PAN3: variants seen among roughly 807,000 people sequenced by gnomAD.
PAN3 encodes the protein poly(A) specific ribonuclease subunit PAN3, also known as PAN2-PAN3 deadenylation complex subunit PAN3.
Under a neutral mutation model 96.2 loss-of-function variants are expected in PAN3, and 19 were observed. The observed-to-expected ratio is 0.20, with a 90% CI of 0.14 to 0.29. The LOEUF (loss-of-function observed/expected upper bound fraction) is 0.29. Among genes scored for constraint, PAN3 ranks in the 10% least tolerant of loss-of-function variants. The probability of loss-of-function intolerance (pLI) is 1.00; values close to 1 mark genes in which losing one functional copy is unlikely to be tolerated. For missense variants in PAN3, 882 were observed against 1,108.1 expected, an observed-to-expected ratio of 0.80 and a Z score of 2.90; for synonymous variants, 433 against 406.6, an observed-to-expected ratio of 1.06 and a Z score of -0.78.
chr13:28,225,073 A>G (rs1593510533), intron 6 of PAN3, among the ~76,000 whole-genome samples: 1 of 152,322 alleles, frequency 6.6e-6, no homozygotes, highest in East Asian at 1.9e-4. Flanking sequence ...AAAGAAAATT[A>G]TGTTCTTACA....
At chr13:28,288,520 C>G (rs892264844) in intron 18 of PAN3, among the ~76,000 whole-genome samples, 1 of 152,056 alleles carries the variant, frequency 6.6e-6, no homozygotes, top group Non-Finnish European at 1.5e-5. Context: ...TCGAACTCCT[C>G]ACTTCAAGTG....
At chr13:28,274,821 G>A (rs955976022) in intron 14 of PAN3, among the ~76,000 whole-genome samples, 9 of 152,126 alleles carry the variant, frequency 5.9e-5, no homozygotes, top group African/African-American at 2.2e-4. Context: ...TAAGGTATAG[G>A]AAAGAATTAA....
chr13:28,281,748 A>ATG (rs199732116), intron 17 of PAN3, among the ~76,000 whole-genome samples: 1,850 of 146,576 alleles, frequency 0.013, 20 homozygotes, highest in Non-Finnish European at 0.02. Flanking sequence ...CATGCCTCTT[A>ATG]CCTTCTATTA....
At chr13:28,255,681 A>C (rs933613795) in intron 6 of PAN3, among the ~76,000 whole-genome samples, 1 of 152,112 alleles carries the variant, frequency 6.6e-6, no homozygotes, top group African/African-American at 2.4e-5. Context: ...AATGACAAAA[A>C]GGCATCAAAA....
chr13:28,253,231 C>T (rs960238676), intron 6 of PAN3, among the ~76,000 whole-genome samples: 7 of 152,168 alleles, frequency 4.6e-5, no homozygotes, highest in Non-Finnish European at 8.8e-5. Flanking sequence ...AGAATCTGCT[C>T]ATTTTAATTC....
chr13:28,175,555 C>T (rs1874855554), intron 2 of PAN3, among the ~76,000 whole-genome samples: 1 of 152,138 alleles, frequency 6.6e-6, no homozygotes, highest in Non-Finnish European at 1.5e-5. Flanking sequence ...CCACTCCTGG[C>T]CTAGTGTTTA....
At chr13:28,157,960 G>C (rs1369410890) in intron 1 of PAN3, among the ~76,000 whole-genome samples, 3 of 152,156 alleles carry the variant, frequency 2.0e-5, no homozygotes, top group Non-Finnish European at 1.5e-5. Context: ...CTTCAAGGCT[G>C]TAGTAATCAA....
At chr13:28,167,777 G>A (rs948534442) in intron 1 of PAN3, among the ~76,000 whole-genome samples, 2 of 151,934 alleles carry the variant, frequency 1.3e-5, no homozygotes, top group African/African-American at 2.4e-5. Context: ...CCGGGAGTCC[G>A]AGGTTGCAGT....
intron 7 of PAN3, among the ~76,000 whole-genome samples, chr13:28,259,390 T>C (rs1190861595): frequency 6.6e-5 from 10 of 151,556 alleles, no homozygotes. Context: ...CACTGCAACC[T>C]CCACCTCCGG....
At chr13:28,226,772 CTG>C (rs1207969541) in intron 6 of PAN3, among the ~76,000 whole-genome samples, 2 of 152,306 alleles carry the variant, frequency 1.3e-5, no homozygotes, top group Non-Finnish European at 2.9e-5. Context: ...AAACTAGACA[CTG>C]TGTTTTGAGA....
intron 6 of PAN3, among the ~76,000 whole-genome samples, chr13:28,241,563 C>T (rs1218119480): frequency 6.6e-6 from 1 of 152,100 alleles, no homozygotes; most frequent in Non-Finnish European, 1.5e-5. Flanking sequence ...AGGGAGGCTT[C>T]GTTGAACTCA....
At chr13:28,251,030 CCTCTTTGATTTATCTAATTTATTGTTTCA>C (rs1884676092) in intron 6 of PAN3, among the ~76,000 whole-genome samples, 1 of 150,626 alleles carries the variant, frequency 6.6e-6, no homozygotes, top group African/African-American at 2.4e-5. Flanking sequence ...TTATTGTTTC[CCTCTTTGATTTATCTAATTTATTGTTTCA>C]CTCTTTGATT....
rs146489426 is a variant in PAN3 at position 28,162,022 on chromosome 13, A to G, written c.431-12250A>G. Among the ~76,000 whole-genome samples, 381 of 152,376 alleles carry G rather than the reference A, an allele frequency of 2.5e-3. 1 individual carries two copies. Among genetic ancestry groups the G allele is most frequent in the African/African-American group, 8.2e-3 (340 of 41,586 alleles). ...TAACACACTCTATTACAAAGAGCAT[A>G]TTAGTGTTTCATCAGAAAAAGCAGG... On this transcript the variant is annotated intron_variant, in intron 1 of 18. Coordinates refer to ENST00000380958, the MANE Select transcript of PAN3 (RefSeq NM_175854.8).
intron 1 of PAN3, among the ~76,000 whole-genome samples, chr13:28,165,283 CTTT>C (rs35652829): frequency 1.5e-5 from 2 of 129,418 alleles, no homozygotes; most frequent in African/African-American, 2.9e-5. Flanking sequence ...CTTATATATC[CTTT>C]TTTTTTTTTT....
chr13:28,139,514 TTGTGTGTGTG>T lies in PAN3; in HGVS notation c.430+455_430+464del, dbSNP rs10577740. Among the ~76,000 whole-genome samples, 50 of 93,134 alleles carry T rather than the reference TTGTGTGTGTG, an allele frequency of 5.4e-4. 2 individuals carry two copies. The highest frequency in any genetic ancestry group is 1.4e-3 in the Admixed American group (12 of 8,854). 61.1% of individuals were successfully genotyped at this position (93,134 alleles called of 152,430 possible). ...GGTTCCCTAGTGGGGAGGGGTGTGT[TTGTGTGTGTG>T]TGTGTGTGTGTGTGTGTGTGTGTGT... On this transcript the variant is annotated intron_variant, in intron 1 of 18. Coordinates refer to ENST00000380958, the MANE Select transcript of PAN3 (RefSeq NM_175854.8).
intron 9 of PAN3, among the ~76,000 whole-genome samples, chr13:28,264,891 A>G (rs529874473): frequency 6.6e-6 from 1 of 152,296 alleles, no homozygotes; most frequent in Admixed American, 6.5e-5. Flanking sequence ...ACGTTTAAGA[A>G]CCAGTGCCAT....
At chr13:28,258,599 G>T (rs1226604875) in intron 7 of PAN3, among the ~76,000 whole-genome samples, 1 of 152,200 alleles carries the variant, frequency 6.6e-6, no homozygotes, top group Non-Finnish European at 1.5e-5. Context: ...AAATGCCTGT[G>T]AAAGGGGAAA....
chr13:28,287,194 C>T (rs951729763), intron 17 of PAN3, among the ~76,000 whole-genome samples: 1 of 152,168 alleles, frequency 6.6e-6, no homozygotes, highest in African/African-American at 2.4e-5. Flanking sequence ...TCTGGAAAAC[C>T]TTCCTTAATT....
chr13:28,205,861 TAAAA>T (rs369273234), intron 5 of PAN3, among the ~76,000 whole-genome samples: 3 of 133,172 alleles, frequency 2.3e-5, no homozygotes, highest in Non-Finnish European at 4.9e-5. Flanking sequence ...AACTGTTTCT[TAAAA>T]AAAAAAAAAA....
Sources: allele counts gnomAD v4.1 joint callset (sites outside exome capture counted in the v4.1 genomes callset), GRCh38; gene constraint gnomAD v4.1.1; transcripts MANE v1.5; gene names NCBI Gene and HGNC (gene_info 2026-07-23, HGNC 2026-07-21).